Variants in CADPS observed in about 807,000 individuals in gnomAD.
CADPS encodes the protein calcium-dependent secretion activator 1.
A neutral mutation model predicts 167.3 loss-of-function variants in CADPS; 57 were observed. The observed-to-expected ratio is 0.34, with a 90% CI of 0.28 to 0.42. The LOEUF (loss-of-function observed/expected upper bound fraction) is 0.42, where lower values mean the gene tolerates loss of function less well. CADPS is among the 20% of genes least tolerant of loss of function. CADPS has a pLI of 1.00. For synonymous variants in CADPS, 676 were observed against 635.3 expected (o/e 1.06, Z -0.96); for missense variants, 1,414 against 1,738.1 (o/e 0.81, Z 3.32).
intron 17 of CADPS, among the ~76,000 whole-genome samples, chr3:62,502,679 G>A (rs1174987801): frequency 2.0e-5 from 3 of 152,076 alleles, no homozygotes; most frequent in African/African-American, 7.2e-5. Flanking sequence ...CAAGAAGAAA[G>A]GTGAACAGAA....
Position 62,458,229 on chromosome 3 carries a change from T to G in CADPS, c.3636+7138A>C, listed in dbSNP as rs1439696231. Among the ~76,000 whole-genome samples the G allele has an allele frequency of 6.6e-6, 1 of 152,176 alleles. No homozygotes were observed. The highest frequency in any genetic ancestry group is 1.5e-5 in the Non-Finnish European group (1 of 68,036). ...TGAAAGGGCTACTGTTTATCTCTTATTAGCCCAGTGGCTCTCTGAGGCAGC... is the reference window on the plus strand; with the variant it reads ...TGAAAGGGCTACTGTTTATCTCTTAGTAGCCCAGTGGCTCTCTGAGGCAGC... On this transcript the variant is annotated intron_variant, in intron 26 of 29. Transcript: ENST00000383710. The surrounding 1 kb of genome is among the most constrained non-coding windows in gnomAD (Gnocchi z 4.6).
At chr3:62,631,732 G>C (rs2065311623) in intron 6 of CADPS, among the ~76,000 whole-genome samples, 1 of 152,092 alleles carries the variant, frequency 6.6e-6, no homozygotes. Context: ...ACAATGATTT[G>C]CTTGCTGTTT....
At chr3:62,778,019 C>T (rs1345926117) in intron 1 of CADPS, among the ~76,000 whole-genome samples, 2 of 152,108 alleles carry the variant, frequency 1.3e-5, no homozygotes, top group South Asian at 2.1e-4. Flanking sequence ...ATCATTGGCT[C>T]GATTCTCCCT....
chr3:62,622,735 G>GA (rs893942217), intron 6 of CADPS, among the ~76,000 whole-genome samples: 4 of 150,850 alleles, frequency 2.7e-5, no homozygotes, highest in Non-Finnish European at 5.9e-5. Context: ...AACCCAGGAG[G>GA]AAAAAAAAAG....
chr3:62,609,298 G>A (rs2061161644), intron 6 of CADPS, among the ~76,000 whole-genome samples: 1 of 150,948 alleles, frequency 6.6e-6, no homozygotes, highest in South Asian at 2.1e-4. Flanking sequence ...CCTTTCTCAT[G>A]TTAGAGATAG....
In CADPS at chr3:62,465,345, A is replaced by G. The variant is rs1263409528; in HGVS notation, c.3636+22T>C. ...CCAAAAATTAAAACAAAAGCCAGGA[A>G]ATAAAGAAGCTCTTTACTTACGGTA... On this transcript the variant is annotated intron_variant, in intron 26 of 29. Transcript: ENST00000383710. This position sits in a 1 kb window ranked among gnomAD's most constrained non-coding sequence, Gnocchi z 4.1. 1 of 1,549,422 alleles carries G rather than the reference A, an allele frequency of 6.5e-7. No individual in the cohort carries two copies. The highest frequency in any genetic ancestry group is 1.4e-5 in the African/African-American group (1 of 72,096).
At chr3:62,598,994 C>A (rs956693010) in intron 6 of CADPS, among the ~76,000 whole-genome samples, 19 of 152,190 alleles carry the variant, frequency 1.2e-4, no homozygotes, top group African/African-American at 3.6e-4. Context: ...AAAACCTTGG[C>A]CTTTTGGTGG....
chr3:62,762,744 T>C (rs2085814416), intron 2 of CADPS, among the ~76,000 whole-genome samples: 1 of 151,508 alleles, frequency 6.6e-6, no homozygotes, highest in African/African-American at 2.4e-5. Context: ...GACTTGAGCG[T>C]CTGAGGATTT....
intron 6 of CADPS, among the ~76,000 whole-genome samples, chr3:62,644,603 G>A (rs1307995290): frequency 6.6e-6 from 1 of 152,092 alleles, no homozygotes; most frequent in African/African-American, 2.4e-5. Context: ...TGCCTCTCTG[G>A]CAGCTTATCC....
intron 19 of CADPS, among the ~76,000 whole-genome samples, chr3:62,493,084 G>A (rs1183389714): frequency 6.6e-6 from 1 of 152,218 alleles, no homozygotes; most frequent in African/African-American, 2.4e-5. Flanking sequence ...GCTTAGGCTA[G>A]AAAACACTGA....
At chr3:62,822,694 T>C (rs2073205073) in intron 1 of CADPS, among the ~76,000 whole-genome samples, 1 of 151,892 alleles carries the variant, frequency 6.6e-6, no homozygotes. Flanking sequence ...ATACAAAAAT[T>C]AGCTGGGCGT....
At chr3:62,712,809 G>C (rs1317279893) in intron 3 of CADPS, among the ~76,000 whole-genome samples, 1 of 152,168 alleles carries the variant, frequency 6.6e-6, no homozygotes, top group Non-Finnish European at 1.5e-5. Flanking sequence ...ATTTCCCTGA[G>C]ACTTTGACAA....
rs1237139631 is a variant in CADPS at position 62,399,128 on chromosome 3, G to A, written c.*278C>T. 3.1e-6 allele frequency: 1 copy of A among 325,884 alleles called. No individual in the cohort carries two copies. The highest frequency in any genetic ancestry group is 5.7e-6 in the Non-Finnish European group (1 of 174,226). 20.2% of individuals were successfully genotyped at this position (325,884 alleles called of 1,614,324 possible). A position where few individuals can be genotyped will look rare whatever the true frequency, so the allele number is the denominator to read the frequency against. The stretch of plus-strand genomic sequence containing the variant: ...CATCATTGATCTTTGCTGATAACAG[G>A]GACACGCCTAGTGGTTAGACTATGT... On this transcript the variant is annotated 3_prime_UTR_variant, in exon 30 of 30. Transcript: ENST00000383710. The surrounding 1 kb of genome is among the most constrained non-coding windows in gnomAD (Gnocchi z 5.6).
intron 20 of CADPS, among the ~76,000 whole-genome samples, 169 bp from the exon 21 acceptor site, chr3:62,491,649 GAAAA>G (rs1290753834): frequency 5.3e-5 from 8 of 151,580 alleles, no homozygotes; most frequent in Non-Finnish European, 2.9e-5. Context: ...AGAAGAGAAG[GAAAA>G]AAGTACATAA....
chr3:62,529,387 C>T lies in CADPS; in HGVS notation c.2291+3484G>A, dbSNP rs540685680. 2.6e-5 allele frequency among the ~76,000 whole-genome samples: 4 copies of T among 152,296 alleles called. No homozygotes were observed. In the South Asian group the frequency reaches 6.2e-4, roughly 24 times the overall value. ...TGCCTTTCAACACTGGCCATTTGTT[C>T]TCTGCTCCACTTGGATGTTGATCCT... On this transcript the variant is annotated intron_variant, in intron 13 of 29. Coordinates refer to ENST00000383710, the MANE Select transcript of CADPS (RefSeq NM_003716.4).
At chr3:62,658,633 C>G (rs568407255) in intron 4 of CADPS, among the ~76,000 whole-genome samples, 1 of 152,104 alleles carries the variant, frequency 6.6e-6, no homozygotes, top group South Asian at 2.1e-4. Flanking sequence ...TAGGAAAACA[C>G]TAGGTAAGTG....
chr3:62,605,589 A>G (rs1043174772), intron 6 of CADPS, among the ~76,000 whole-genome samples: 3 of 152,204 alleles, frequency 2.0e-5, no homozygotes, highest in Non-Finnish European at 4.4e-5. Flanking sequence ...TTAAGAGTGC[A>G]GGCTCTGGAA....
At chr3:62,434,689 C>T (rs917836473) in intron 28 of CADPS, among the ~76,000 whole-genome samples, 6 of 152,106 alleles carry the variant, frequency 3.9e-5, no homozygotes, top group South Asian at 2.1e-4. Context: ...AGTACAATGA[C>T]GTGGCAGAGA....
intron 2 of CADPS, among the ~76,000 whole-genome samples, chr3:62,756,778 G>A (rs1281973747): frequency 2.6e-5 from 4 of 152,194 alleles, no homozygotes; most frequent in African/African-American, 9.7e-5. Context: ...AACAATACGT[G>A]TGAAGACCCC....
Sources: allele counts gnomAD v4.1 joint callset (sites outside exome capture counted in the v4.1 genomes callset), GRCh38; gene constraint gnomAD v4.1.1; non-coding constraint Gnocchi (gnomAD v3.1); transcripts MANE v1.5; gene names NCBI Gene and HGNC (gene_info 2026-07-23, HGNC 2026-07-21).